The following FLYWCH2 variants were observed in gnomAD, a reference collection of about 807,000 sequenced individuals.
The protein encoded by FLYWCH2 is FLYWCH family member 2.
A neutral mutation model predicts 6.0 loss-of-function variants in FLYWCH2; 2 were observed. The ratio of observed to expected loss-of-function variants is 0.33; its 90% CI spans 0.14 to 1.04. FLYWCH2 has a LOEUF of 1.04. FLYWCH2 is among the 50% of genes least tolerant of loss of function. The pLI, the probability that FLYWCH2 is intolerant of heterozygous loss-of-function variation, is 0.45. For synonymous variants in FLYWCH2, 87 were observed against 79.3 expected, an observed-to-expected ratio of 1.10 and a Z score of -0.52; for missense variants, 192 against 183.4, an observed-to-expected ratio of 1.05 and a Z score of -0.27.
intron 1 of FLYWCH2, among the ~76,000 whole-genome samples, chr16:2,890,232 T>TG (rs1421276141): frequency 2.0e-5 from 1 of 49,806 alleles, no homozygotes; most frequent in Admixed American, 2.0e-4. Flanking sequence ...GTTTTTGTTT[T>TG]TTTTTTTTTG....
chr16:2,888,319 C>G (rs1385030818), intron 1 of FLYWCH2, among the ~76,000 whole-genome samples: 2 of 151,606 alleles, frequency 1.3e-5, no homozygotes, highest in Non-Finnish European at 2.9e-5. Context: ...CTGTGTCGGT[C>G]TTTATGCCAG....
chr16:2,899,211 A>C lies in FLYWCH2; in HGVS notation c.*62A>C. On this transcript the variant is annotated 3_prime_UTR_variant, in exon 4 of 4. Transcript: ENST00000396958. ...CAGCCATAGGCTCTTCTCTGTCCGC[A>C]GGGCTTCTGGGGCCAAATGGGTGAA... 1 of 1,218,544 alleles carries C rather than the reference A, an allele frequency of 8.2e-7. No homozygotes were observed. Among genetic ancestry groups the C allele is most frequent in the Non-Finnish European group, 1.1e-6 (1 of 873,912 alleles). 75.5% of individuals were successfully genotyped at this position (1,218,544 alleles called of 1,614,324 possible).
intron 2 of FLYWCH2, 47 bp from the exon 3 acceptor site, chr16:2,896,305 C>T (rs1442733540): frequency 8.4e-6 from 9 of 1,071,052 alleles, no homozygotes; most frequent in Admixed American, 2.9e-5. Context: ...ACGTCTAGAG[C>T]CTCCCAAGGG....
intron 1 of FLYWCH2, among the ~76,000 whole-genome samples, chr16:2,884,868 C>CCGTCT (rs2069681046): frequency 6.7e-6 from 1 of 148,240 alleles, no homozygotes. Context: ...GAGCGATACT[C>CCGTCT]CGTCTAAAAA....
Position 2,896,598 on chromosome 16 carries a change from A to G in FLYWCH2, c.149A>G (p.Asp50Gly). 1.9e-6 allele frequency: 3 copies of G among 1,614,116 alleles called. No individual in the cohort carries two copies. The highest frequency in any genetic ancestry group is 1.7e-6 in the Non-Finnish European group (2 of 1,179,996). ...SKLVLLTASKDSTKVAGAKRK... is the reference protein window; with the variant it reads ...SKLVLLTASKGSTKVAGAKRK... ...CTGGTCCTGCTCACAGCCTCCAAAG[A>G]CAGCACCAAGGTGGCGGGGGCCAAG... The change falls in exon 3 of 4, where the codon GAC becomes GGC. Residue 50 changes from aspartate to glycine, a missense_variant. Asp to Gly is a moderately conservative substitution (Grantham distance 94, BLOSUM62 -1). Coordinates refer to ENST00000396958, the MANE Select transcript of FLYWCH2 (RefSeq NM_138439.3).
Position 2,885,302 on chromosome 16 carries a change from G to A in FLYWCH2, c.-200+1936G>A, listed in dbSNP as rs185047482. 6.5e-3 allele frequency among the ~76,000 whole-genome samples: 991 copies of A among 152,050 alleles called. 16 individuals carry two copies. The highest frequency in any genetic ancestry group is 0.021 in the African/African-American group (885 of 41,452). On this transcript the variant is annotated intron_variant, in intron 1 of 3. Transcript: ENST00000396958. ...ACTGCACTCCAGCCTGGGCGACAGA[G>A]CGAGACTCCGTCTCAAAAAAACAAA...
At chr16:2,887,532 A>C (rs1055163482) in intron 1 of FLYWCH2, among the ~76,000 whole-genome samples, 5 of 151,678 alleles carry the variant, frequency 3.3e-5, no homozygotes, top group African/African-American at 9.7e-5. Context: ...TTTGTATTGG[A>C]TATTCAGTGG....
chr16:2,897,371 C>A (rs942078668), intron 3 of FLYWCH2, among the ~76,000 whole-genome samples: 1 of 152,180 alleles, frequency 6.6e-6, no homozygotes, highest in African/African-American at 2.4e-5. Flanking sequence ...AGATACAGCT[C>A]AGGGCTCACA....
intron 3 of FLYWCH2, among the ~76,000 whole-genome samples, chr16:2,897,758 G>A (rs1015145776): frequency 2.0e-5 from 3 of 152,240 alleles, no homozygotes; most frequent in Non-Finnish European, 4.4e-5. Context: ...ACCAGGGCAG[G>A]CAGCGGTGGG....
At chr16:2,895,614 C>CAAAACAAACAAAACAAA (rs1306366751) in intron 2 of FLYWCH2, among the ~76,000 whole-genome samples, 1 of 152,204 alleles carries the variant, frequency 6.6e-6, no homozygotes, top group Non-Finnish European at 1.5e-5. Context: ...GACTCCGTCT[C>CAAAACAAACAAAACAAA]CAAAACAAAC....
At position 2,896,788 on chromosome 16, in the gene FLYWCH2, G is replaced by GC. The variant is rs1187467010; in HGVS notation, c.322+23dup. On this transcript the variant is annotated intron_variant, in intron 3 of 3. Coordinates refer to ENST00000396958, the MANE Select transcript of FLYWCH2 (RefSeq NM_138439.3). ...AGGACCCAGGTGAGGCTCCACAGCG[G>GC]CCCCCCAGGACAGCTCGGCACCTCC... 3.1e-6 allele frequency: 5 copies of GC among 1,603,040 alleles called. No homozygotes were observed. Among genetic ancestry groups the GC allele is most frequent in the Middle Eastern group, 1.7e-4 (1 of 5,984 alleles).
At chr16:2,893,354 C>G (rs2069780848) in intron 1 of FLYWCH2, among the ~76,000 whole-genome samples, 1 of 152,100 alleles carries the variant, frequency 6.6e-6, no homozygotes. Context: ...TCAGTCAGTG[C>G]CTAAGCATAC....
At chr16:2,895,989 G>A (rs2069814902) in intron 2 of FLYWCH2, among the ~76,000 whole-genome samples, 1 of 152,232 alleles carries the variant, frequency 6.6e-6, no homozygotes, top group Non-Finnish European at 1.5e-5. Flanking sequence ...TGTCATAACA[G>A]GGGTGGGAGG....
chr16:2,894,898 G>T (rs538040606), intron 1 of FLYWCH2, among the ~76,000 whole-genome samples: 14 of 152,300 alleles, frequency 9.2e-5, no homozygotes, highest in African/African-American at 3.1e-4. Flanking sequence ...GACGCATTGG[G>T]AGGGGTCCAA....
chr16:2,890,416 ATT>A (rs71158115), intron 1 of FLYWCH2, among the ~76,000 whole-genome samples: 3 of 133,400 alleles, frequency 2.2e-5, no homozygotes, highest in Admixed American at 7.5e-5. Flanking sequence ...TGCCTGACTA[ATT>A]TTTTTTTTTT....
chr16:2,892,391 G>A (rs1458373280), intron 1 of FLYWCH2, among the ~76,000 whole-genome samples: 1 of 151,786 alleles, frequency 6.6e-6, no homozygotes, highest in Non-Finnish European at 1.5e-5. Context: ...AGCTACTTGT[G>A]AGTCTGAGAC....
chr16:2,883,530 C>T (rs2069663988), intron 1 of FLYWCH2, among the ~76,000 whole-genome samples, 164 bp downstream of exon 1: 1 of 152,150 alleles, frequency 6.6e-6, no homozygotes, highest in African/African-American at 2.4e-5. Flanking sequence ...TCCCTCTTTG[C>T]CTCTCGCCCC....
intron 1 of FLYWCH2, among the ~76,000 whole-genome samples, chr16:2,892,884 T>C (rs1268482832): frequency 3.2e-5 from 2 of 63,140 alleles, no homozygotes; most frequent in African/African-American, 1.0e-4. Flanking sequence ...ATATATATAA[T>C]ATATAATGTA....
intron 1 of FLYWCH2, among the ~76,000 whole-genome samples, chr16:2,893,021 C>T (rs769776538): frequency 2.3e-4 from 29 of 124,266 alleles, no homozygotes; most frequent in Admixed American, 1.7e-3. Context: ...TATATATATA[C>T]ACACACACAC....
Sources: gnomAD v4.1 joint callset for allele counts (sites outside exome capture counted in the v4.1 genomes callset) on GRCh38, gnomAD v4.1.1 for gene constraint, MANE v1.5 for transcripts, NCBI Gene and HGNC (gene_info 2026-07-23, HGNC 2026-07-21) for gene names.